PSMA8: variants seen among roughly 807,000 people sequenced by gnomAD.
PSMA8 encodes proteasome 20S subunit alpha 8.
Under a neutral mutation model 32.4 loss-of-function variants are expected in PSMA8, and 18 were observed. That is an observed-to-expected ratio of 0.56 (90% CI 0.38 to 0.82). The LOEUF is 0.82. PSMA8 is among the 40% of genes least tolerant of loss of function. PSMA8 has a pLI of 0.00. For missense variants in PSMA8, 298 were observed against 300.7 expected (o/e 0.99, Z 0.07); for synonymous variants, 104 against 98.1 (o/e 1.06, Z -0.36).
At chr18:26,135,261 C>A (rs1259100890) in intron 1 of PSMA8, among the ~76,000 whole-genome samples, 2 of 152,134 alleles carry the variant, frequency 1.3e-5, no homozygotes, top group Non-Finnish European at 2.9e-5. Context: ...AAGGCCTAGC[C>A]TATGAATTCA....
At chr18:26,140,792 A>G (rs2054949191) in intron 1 of PSMA8, among the ~76,000 whole-genome samples, 1 of 152,240 alleles carries the variant, frequency 6.6e-6, no homozygotes, top group African/African-American at 2.4e-5. Context: ...GGAATTACTC[A>G]TAACAAAATT....
In PSMA8 at chr18:26,179,145, A is replaced by G. The variant is rs1213315434; in HGVS notation, c.660+15A>G. The G allele has an allele frequency of 6.3e-7, 1 of 1,588,062 alleles. No individual in the cohort carries two copies. Among genetic ancestry groups the G allele is most frequent in the Admixed American group, 1.7e-5 (1 of 58,570 alleles). On this transcript the variant is annotated intron_variant, in intron 6 of 6. Transcript: ENST00000415576. The stretch of plus-strand genomic sequence containing the variant: ...AACCTTTGAAGGTAAGTCATTAACC[A>G]AAGAGGAAAAAGTATCTGTAGTATA...
At position 26,167,677 on chromosome 18, in the gene PSMA8, C is replaced by T. The variant is rs1044977176; in HGVS notation, c.477+9433C>T. Among the ~76,000 whole-genome samples, 5 of 152,152 alleles carry T rather than the reference C, an allele frequency of 3.3e-5. No homozygotes were observed. The South Asian group carries it at 8.3e-4, about 25-fold the overall frequency. On this transcript the variant is annotated intron_variant, in intron 4 of 6. Transcript: ENST00000415576. ...TCTTTTGCATGAACATGTATGTGTG[C>T]ACACAAGAAGAAAGGCCTTGTGAGG... is the stretch of plus-strand genomic sequence containing the variant.
chr18:26,137,085 T>A (rs1271488032), intron 1 of PSMA8, among the ~76,000 whole-genome samples: 1 of 152,214 alleles, frequency 6.6e-6, no homozygotes, highest in African/African-American at 2.4e-5. Context: ...TTATCATGAA[T>A]GTAGAAATCA....
Position 26,150,705 on chromosome 18 carries a change from A to G in PSMA8, c.230-1153A>G, listed in dbSNP as rs576068625. Among the ~76,000 whole-genome samples, 4 of 152,362 alleles carry G rather than the reference A, an allele frequency of 2.6e-5. No homozygotes were observed. The South Asian group carries it at 8.3e-4, about 32-fold the overall frequency. On this transcript the variant is annotated intron_variant, in intron 2 of 6. Coordinates refer to ENST00000415576, the MANE Select transcript of PSMA8 (RefSeq NM_001025096.2). ...AGACATACACATAACTATGTTGCTC[A>G]TATACTTTGACAAACTTATCACTAT...
At chr18:26,186,307 T>C (rs1276258727) in intron 6 of PSMA8, among the ~76,000 whole-genome samples, 1 of 149,030 alleles carries the variant, frequency 6.7e-6, no homozygotes, top group African/African-American at 2.5e-5. Flanking sequence ...GCTACCCTAG[T>C]TCAAATTCCA....
chr18:26,142,240 C>T (rs1365435898), intron 1 of PSMA8, among the ~76,000 whole-genome samples: 6 of 151,860 alleles, frequency 4.0e-5, no homozygotes, highest in African/African-American at 1.2e-4. Context: ...GGGGTTTCAC[C>T]GTGTTAGCCA....
chr18:26,190,552 C>T (rs2055393830), intron 6 of PSMA8, among the ~76,000 whole-genome samples: 1 of 152,094 alleles, frequency 6.6e-6, no homozygotes. Flanking sequence ...AGTTTGAGAC[C>T]AGCCTGGGCA....
At position 26,179,118 on chromosome 18, in the gene PSMA8, T is replaced by G. The variant is rs1347324266; in HGVS notation, c.648T>G (p.Asn216Lys). 2 of 1,611,054 alleles carry G rather than the reference T, an allele frequency of 1.2e-6. No individual in the cohort carries two copies. The highest frequency in any genetic ancestry group is 2.7e-5 in the African/African-American group (2 of 74,800). Residue 216 changes from asparagine to lysine, a missense_variant, in exon 6 of 7, where the codon AAT becomes AAG. Transcript: ENST00000415576. ...KNIELAIIRRNQPLKMFSAKE... is the reference protein window; with the variant it reads ...KNIELAIIRRKQPLKMFSAKE... ...TTGAACTTGCTATAATAAGAAGAAA[T>G]CAACCTTTGAAGGTAAGTCATTAAC...
At chr18:26,137,342 C>A (rs2054919522) in intron 1 of PSMA8, among the ~76,000 whole-genome samples, 1 of 152,068 alleles carries the variant, frequency 6.6e-6, no homozygotes, top group South Asian at 2.1e-4. Flanking sequence ...GCCTGTATTC[C>A]CAGCTACTTG....
At chr18:26,158,016 G>T (rs536288883) in intron 3 of PSMA8, 106 bp from the exon 4 acceptor site, 2 of 728,354 alleles carry the variant, frequency 2.7e-6, no homozygotes, top group Admixed American at 3.2e-5. Flanking sequence ...AATATATGTC[G>T]AATAAGAATT....
intron 3 of PSMA8, 52 bp downstream of exon 3, chr18:26,152,034 A>T (rs995730081): frequency 6.8e-7 from 1 of 1,462,214 alleles, no homozygotes; most frequent in East Asian, 2.3e-5. Context: ...TTTCATCATT[A>T]TAAGTCCTAT....
At chr18:26,171,367 G>A in intron 4 of PSMA8, 2 of 1,349,784 alleles carry the variant, frequency 1.5e-6, no homozygotes, top group East Asian at 2.5e-5. Context: ...TCGGTATTTT[G>A]TTATGACATA....
intron 1 of PSMA8, among the ~76,000 whole-genome samples, chr18:26,135,615 CAA>C (rs986169145): frequency 2.8e-4 from 42 of 152,152 alleles, no homozygotes; most frequent in African/African-American, 9.4e-4. Context: ...TTGATAAAAA[CAA>C]AAAGTTATAT....
At chr18:26,186,809 A>G (rs1170503109) in intron 6 of PSMA8, among the ~76,000 whole-genome samples, 1 of 152,200 alleles carries the variant, frequency 6.6e-6, no homozygotes, top group Non-Finnish European at 1.5e-5. Flanking sequence ...TCTAGATGAA[A>G]TATAACTAGT....
In PSMA8 at chr18:26,189,670, A is replaced by G. The variant is rs181735298; in HGVS notation, c.661-2649A>G. ...CAAATGCTGGTGAGGATATGGAGAA[A>G]AGGGAACCCTCATACACTGTTGGTG... is the stretch of plus-strand genomic sequence containing the variant. On this transcript the variant is annotated intron_variant, in intron 6 of 6. Coordinates refer to ENST00000415576, the MANE Select transcript of PSMA8 (RefSeq NM_001025096.2). Among the ~76,000 whole-genome samples, 496 of 152,344 alleles carry G rather than the reference A, an allele frequency of 3.3e-3. 4 individuals carry two copies. The highest frequency in any genetic ancestry group is 0.011 in the African/African-American group (439 of 41,578).
At chr18:26,162,041 A>C (rs185955214) in intron 4 of PSMA8, among the ~76,000 whole-genome samples, 199 of 152,340 alleles carry the variant, frequency 1.3e-3, no homozygotes, top group South Asian at 4.1e-3. Context: ...AATTTTTGAC[A>C]GATGAAAAAA....
At position 26,146,168 on chromosome 18, in the gene PSMA8, T is replaced by C. The variant is rs561342406; in HGVS notation, c.229+1483T>C. Among the ~76,000 whole-genome samples, 16 of 125,196 alleles carry C rather than the reference T, an allele frequency of 1.3e-4. No homozygotes were observed. In the South Asian group the frequency reaches 3.8e-3, roughly 30 times the overall value. 82.1% of individuals were successfully genotyped at this position (125,196 alleles called of 152,430 possible). A position where few individuals can be genotyped will look rare whatever the true frequency, so the allele number is the denominator to read the frequency against. On this transcript the variant is annotated intron_variant, in intron 2 of 6. Transcript: ENST00000415576. ...CAGCAAATAAGACATGCCTCTTGTC[T>C]TTTTTTTTTTCCTCATCTTCTGATT... is the stretch of plus-strand genomic sequence containing the variant.
At position 26,193,184 on chromosome 18, in the gene PSMA8, C is replaced by G. The variant is rs917720010; in HGVS notation, c.*773C>G. The G allele has an allele frequency of 2.0e-5, 3 of 152,042 alleles. No homozygotes were observed. The highest frequency in any genetic ancestry group is 6.6e-5 in the Admixed American group (1 of 15,266). The allele number at this position is 152,042 out of a possible 1,614,324, so 9.4% of individuals were successfully genotyped here. A position where few individuals can be genotyped will look rare whatever the true frequency, so the allele number is the denominator to read the frequency against. ...GTTTGTTACATATTCCATGAAATATCTGAGTGTGTATTTTATGATTGGTAT... is the reference window on the plus strand; with the variant it reads ...GTTTGTTACATATTCCATGAAATATGTGAGTGTGTATTTTATGATTGGTAT... On this transcript the variant is annotated 3_prime_UTR_variant, in exon 7 of 7. Coordinates refer to ENST00000415576, the MANE Select transcript of PSMA8 (RefSeq NM_001025096.2).
Sources: gnomAD v4.1 joint callset for allele counts (sites outside exome capture counted in the v4.1 genomes callset) on GRCh38, gnomAD v4.1.1 for gene constraint, MANE v1.5 for transcripts, NCBI Gene and HGNC (gene_info 2026-07-23, HGNC 2026-07-21) for gene names.